PTPRT: variants seen among roughly 807,000 people sequenced by gnomAD.
The protein encoded by PTPRT is receptor-type tyrosine-protein phosphatase T.
Under a neutral mutation model 176.8 loss-of-function variants are expected in PTPRT, and 56 were observed. That is an observed-to-expected ratio of 0.32 (90% CI 0.26 to 0.40). The LOEUF (loss-of-function observed/expected upper bound fraction) is 0.40, where lower values mean the gene tolerates loss of function less well. PTPRT is among the 10% of genes least tolerant of loss of function. The pLI, the probability that PTPRT is intolerant of heterozygous loss-of-function variation, is 1.00. For missense variants in PTPRT, 1,540 were observed against 1,908.2 expected, an observed-to-expected ratio of 0.81 and a Z score of 3.60; for synonymous variants, 783 against 739.0, an observed-to-expected ratio of 1.06 and a Z score of -0.96.
the PTPRT span, among the ~76,000 whole-genome samples, chr20:42,045,944 A>G: frequency 6.6e-6 from 1 of 152,206 alleles, no homozygotes; most frequent in Admixed American, 6.5e-5. Context: ...GCAATACACT[A>G]AGTCTCTCAG....
intron 13 of PTPRT, among the ~76,000 whole-genome samples, chr20:42,250,427 C>T (rs906666399): frequency 3.3e-5 from 5 of 152,202 alleles, no homozygotes; most frequent in African/African-American, 1.2e-4. Context: ...AATGCTACTA[C>T]CCAAAAGCTA....
intron 1 of PTPRT, among the ~76,000 whole-genome samples, chr20:42,957,683 C>T (rs1004597364): frequency 3.3e-5 from 5 of 152,170 alleles, no homozygotes; most frequent in African/African-American, 9.7e-5. Flanking sequence ...TAAAGATTTT[C>T]ATTAATAAAC....
At chr20:43,052,591 T>C (rs879737377) in intron 1 of PTPRT, among the ~76,000 whole-genome samples, 1 of 152,260 alleles carries the variant, frequency 6.6e-6, no homozygotes, top group Admixed American at 6.5e-5. Flanking sequence ...AAACTTCATA[T>C]AGGATGAGGT....
intron 1 of PTPRT, among the ~76,000 whole-genome samples, chr20:43,042,424 C>T (rs1986645158): frequency 6.6e-6 from 1 of 152,086 alleles, no homozygotes; most frequent in South Asian, 2.1e-4. Context: ...CAACAGTCAG[C>T]TCTGGCTTGA....
intron 7 of PTPRT, among the ~76,000 whole-genome samples, chr20:42,531,665 G>A (rs1055616494): frequency 7.9e-5 from 12 of 152,138 alleles, no homozygotes; most frequent in Admixed American, 2.0e-4. Context: ...GAAGAATAAC[G>A]CCACGTGCAA....
At chr20:42,719,320 C>A (rs1257506893) in intron 6 of PTPRT, among the ~76,000 whole-genome samples, 3 of 152,194 alleles carry the variant, frequency 2.0e-5, no homozygotes, top group Admixed American at 2.0e-4. Flanking sequence ...GTAGCCAGCA[C>A]TCTGGGGAAC....
intron 7 of PTPRT, among the ~76,000 whole-genome samples, chr20:42,530,396 C>T (rs1381634908): frequency 6.6e-6 from 1 of 152,164 alleles, no homozygotes; most frequent in Non-Finnish European, 1.5e-5. Context: ...GAGTGTGGAT[C>T]CTGGTGGCAG....
Position 42,617,253 on chromosome 20 carries a change from G to A in PTPRT, c.1153+60613C>T, listed in dbSNP as rs1395950054. ...TGCTGGATTACATTTATTGATTTGC[G>A]TATATTGAACCAGCCTTGCATCCCA... On this transcript the variant is annotated intron_variant, in intron 7 of 30. Transcript: ENST00000373187. Among the ~76,000 whole-genome samples the A allele has an allele frequency of 1.1e-4, 15 of 135,866 alleles. 1 individual carries two copies. The highest frequency in any genetic ancestry group is 2.0e-4 in the African/African-American group (6 of 30,418). The allele number at this position is 135,866 out of a possible 152,430, so 89.1% of individuals were successfully genotyped here.
intron 16 of PTPRT, among the ~76,000 whole-genome samples, chr20:42,192,439 C>T (rs1447697046): frequency 6.6e-6 from 1 of 152,226 alleles, no homozygotes; most frequent in Non-Finnish European, 1.5e-5. Flanking sequence ...CTCATCTCTA[C>T]TGAACCATCC....
chr20:43,080,820 C>A (rs1196863619), intron 1 of PTPRT, among the ~76,000 whole-genome samples: 2 of 152,160 alleles, frequency 1.3e-5, no homozygotes, highest in Non-Finnish European at 1.5e-5. Context: ...GGACATGGGG[C>A]CTTAGTGAGA....
At chr20:42,463,178 GTC>G (rs148212646) in intron 8 of PTPRT, among the ~76,000 whole-genome samples, 20 of 150,404 alleles carry the variant, frequency 1.3e-4, no homozygotes, top group Admixed American at 4.0e-4. Flanking sequence ...ATTAAACTAG[GTC>G]TCTCTCTCTC....
intron 13 of PTPRT, among the ~76,000 whole-genome samples, chr20:42,276,398 C>T (rs577205091): frequency 6.8e-6 from 1 of 147,878 alleles, no homozygotes; most frequent in Non-Finnish European, 1.5e-5. Context: ...TGGGCTGTGG[C>T]TTTTTCCTTA....
chr20:42,440,330 T>A (rs973852644), intron 9 of PTPRT, among the ~76,000 whole-genome samples: 1 of 152,170 alleles, frequency 6.6e-6, no homozygotes, highest in Non-Finnish European at 1.5e-5. Flanking sequence ...ACAAAAATAA[T>A]CATCATTGCC....
intron 15 of PTPRT, among the ~76,000 whole-genome samples, chr20:42,215,310 ACT>A (rs2055742770): frequency 6.6e-6 from 1 of 151,984 alleles, no homozygotes; most frequent in Non-Finnish European, 1.5e-5. Flanking sequence ...CATTTCTGTG[ACT>A]CTGTGAGACT....
chr20:42,162,581 G>C (rs1989650746), intron 16 of PTPRT, among the ~76,000 whole-genome samples: 1 of 152,138 alleles, frequency 6.6e-6, no homozygotes. Flanking sequence ...TCCTTCCAAA[G>C]ACATGGACAG....
intron 9 of PTPRT, among the ~76,000 whole-genome samples, chr20:42,427,809 C>T (rs1170997313): frequency 6.6e-6 from 1 of 152,180 alleles, no homozygotes; most frequent in Non-Finnish European, 1.5e-5. Flanking sequence ...GTTCCTGCCC[C>T]ACCCTAACTG....
chr20:42,560,258 C>T (rs1380614100), intron 7 of PTPRT, among the ~76,000 whole-genome samples: 1 of 152,178 alleles, frequency 6.6e-6, no homozygotes, highest in Non-Finnish European at 1.5e-5. Flanking sequence ...ATAGGAGGTA[C>T]AGGCATGGGA....
intron 1 of PTPRT, among the ~76,000 whole-genome samples, chr20:43,048,882 C>G (rs546159161): frequency 1.3e-5 from 2 of 152,242 alleles, no homozygotes; most frequent in Non-Finnish European, 2.9e-5. Context: ...GTGACCCTCA[C>G]GAAGACACCT....
rs573573049 is a variant in PTPRT at position 42,888,145 on chromosome 20, A to G, written c.89-2213T>C. Reference sequence around the variant, plus strand: ...AACAGCCGAAATGGATTAAGACAGCACCCCACTGAGTATCTCTACTCTGTA... The same window carrying G: ...AACAGCCGAAATGGATTAAGACAGCGCCCCACTGAGTATCTCTACTCTGTA... On this transcript the variant is annotated intron_variant, in intron 1 of 30. Coordinates refer to ENST00000373187, the MANE Select transcript of PTPRT (RefSeq NM_007050.6). Among the ~76,000 whole-genome samples, 4 of 152,214 alleles carry G rather than the reference A, an allele frequency of 2.6e-5. No individual in the cohort carries two copies. In the East Asian group the frequency reaches 5.8e-4, roughly 22 times the overall value.
Sources: allele counts gnomAD v4.1 joint callset (sites outside exome capture counted in the v4.1 genomes callset), GRCh38; gene constraint gnomAD v4.1.1; transcripts MANE v1.5; gene names NCBI Gene and HGNC (gene_info 2026-07-23, HGNC 2026-07-21).